The following CPEB3 variants were observed in gnomAD, a reference collection of about 807,000 sequenced individuals.
CPEB3 encodes cytoplasmic polyadenylation element-binding protein 3.
CPEB3 carries 20 observed loss-of-function variants against 67.2 expected under a neutral mutation model. The observed-to-expected ratio is 0.30, with a 90% CI of 0.21 to 0.43. The LOEUF (loss-of-function observed/expected upper bound fraction) is 0.43, where lower values mean the gene tolerates loss of function less well. CPEB3 is among the 20% of genes least tolerant of loss of function. The pLI is 1.00. For synonymous variants in CPEB3, 376 were observed against 393.1 expected (o/e 0.96, Z 0.51); for missense variants, 746 against 968.6 (o/e 0.77, Z 3.05).
At chr10:92,123,801 G>GT (rs1845498176) in intron 6 of CPEB3, among the ~76,000 whole-genome samples, 1 of 152,214 alleles carries the variant, frequency 6.6e-6, no homozygotes, top group South Asian at 2.1e-4. Context: ...TTTCAAATGA[G>GT]TTTTTTTCTG....
chr10:92,139,006 G>A lies in CPEB3; in HGVS notation c.1453+4023C>T, dbSNP rs559471283. 3.3e-4 allele frequency among the ~76,000 whole-genome samples: 51 copies of A among 152,264 alleles called. No homozygotes were observed. The South Asian group carries it at 7.7e-3, about 23-fold the overall frequency. ...GAATATGTGGTATGTGACCAGGCACGGTGGCTCACGCCTGTAATTCCAGCA... is the reference window on the plus strand; with the variant it reads ...GAATATGTGGTATGTGACCAGGCACAGTGGCTCACGCCTGTAATTCCAGCA... On this transcript the variant is annotated intron_variant, in intron 6 of 9. Transcript: ENST00000265997.
At chr10:92,285,182 T>C (rs1365206420) in intron 1 of CPEB3, among the ~76,000 whole-genome samples, 1 of 152,350 alleles carries the variant, frequency 6.6e-6, no homozygotes, top group East Asian at 1.9e-4. Flanking sequence ...TATTAATCCA[T>C]TCATGAGGGC....
At chr10:92,169,851 C>T (rs1847922987) in intron 4 of CPEB3, among the ~76,000 whole-genome samples, 1 of 152,166 alleles carries the variant, frequency 6.6e-6, no homozygotes, top group Non-Finnish European at 1.5e-5. Flanking sequence ...TTCCATATTC[C>T]ATATCAGACT....
intron 3 of CPEB3, 128 bp from the exon 4 acceptor site, chr10:92,181,147 A>T (rs950192888): frequency 1.9e-6 from 1 of 525,390 alleles, no homozygotes; most frequent in African/African-American, 2.0e-5. Flanking sequence ...AGGCCAAAGC[A>T]GTTACAACAG....
chr10:92,223,749 ATT>A (rs377483708), intron 2 of CPEB3, among the ~76,000 whole-genome samples: 23 of 111,400 alleles, frequency 2.1e-4, no homozygotes, highest in African/African-American at 2.3e-4. Context: ...AATTTTTGTA[ATT>A]TTTTTTTTTT....
chr10:92,215,758 TC>T lies in CPEB3; in HGVS notation c.1006-23123del, dbSNP rs1276221187. Among the ~76,000 whole-genome samples the T allele has an allele frequency of 1.7e-3, 235 of 141,540 alleles. 3 individuals are homozygous for T. The highest frequency in any genetic ancestry group is 6.0e-3 in the African/African-American group (218 of 36,364). The allele number at this position is 141,540 out of a possible 152,430, so 92.9% of individuals were successfully genotyped here. A position where few individuals can be genotyped will look rare whatever the true frequency, so the allele number is the denominator to read the frequency against. On this transcript the variant is annotated intron_variant, in intron 2 of 9. Transcript: ENST00000265997. Reference sequence around the variant, plus strand: ...GCCTGGCTTTTTTTTTTTTTTTTTTTCTTTTTTTTGAGAACAAGTCTCACTC... The same window carrying T: ...GCCTGGCTTTTTTTTTTTTTTTTTTTTTTTTTTTGAGAACAAGTCTCACTC...
At chr10:92,053,977 T>C (rs1842018713) in intron 9 of CPEB3, among the ~76,000 whole-genome samples, 1 of 152,190 alleles carries the variant, frequency 6.6e-6, no homozygotes, top group South Asian at 2.1e-4. Context: ...TAAGCCACCA[T>C]GCCTGGTCGA....
At chr10:92,289,732 A>AAAAAAAAAAAAAAATAAAT in intron 1 of CPEB3, among the ~76,000 whole-genome samples, 1 of 75,772 alleles carries the variant, frequency 1.3e-5, no homozygotes, top group Non-Finnish European at 2.6e-5. Context: ...AAAAAAAAAA[A>AAAAAAAAAAAAAAATAAAT]ATATATATAT....
chr10:92,261,632 A>G (rs1852805265), intron 1 of CPEB3, among the ~76,000 whole-genome samples: 3 of 152,106 alleles, frequency 2.0e-5, no homozygotes, highest in African/African-American at 7.2e-5. Flanking sequence ...TATTTTTAGT[A>G]GAGGCAAGGT....
intron 1 of CPEB3, among the ~76,000 whole-genome samples, chr10:92,279,621 T>G (rs1429733162): frequency 6.6e-6 from 1 of 151,906 alleles, no homozygotes; most frequent in African/African-American, 2.4e-5. Context: ...TCAACAGAGG[T>G]TTGGGATAAT....
rs1386938379 is a variant in CPEB3 at position 92,095,598 on chromosome 10, A to ATTT, written c.1573-3655_1573-3654insAAA. On this transcript the variant is annotated intron_variant, in intron 7 of 9. Coordinates refer to ENST00000265997, the MANE Select transcript of CPEB3 (RefSeq NM_014912.5). Reference sequence around the variant, plus strand: ...GGTCCTGATTTATATATATATATATATATTTTTTTTTTTTCATTGTGTATA... The same window carrying ATTT: ...GGTCCTGATTTATATATATATATATATTTTATTTTTTTTTTTTCATTGTGTATA... Among the ~76,000 whole-genome samples the ATTT allele has an allele frequency of 1.5e-3, 131 of 85,250 alleles. No homozygotes were observed. In the East Asian group the frequency reaches 0.02, roughly 13 times the overall value. The allele number at this position is 85,250 out of a possible 152,430, so 55.9% of individuals were successfully genotyped here.
intron 1 of CPEB3, among the ~76,000 whole-genome samples, chr10:92,281,171 T>G (rs959768824): frequency 6.6e-6 from 1 of 151,612 alleles, no homozygotes; most frequent in Non-Finnish European, 1.5e-5. Context: ...AAGACATTTC[T>G]TCAAATAATT....
intron 8 of CPEB3, among the ~76,000 whole-genome samples, chr10:92,089,333 A>G (rs1001157700): frequency 6.6e-6 from 1 of 152,196 alleles, no homozygotes; most frequent in African/African-American, 2.4e-5. Flanking sequence ...ATTCTAAGAC[A>G]ATAATATAGA....
chr10:92,167,198 C>T (rs1253424677), intron 4 of CPEB3, among the ~76,000 whole-genome samples: 1 of 152,186 alleles, frequency 6.6e-6, no homozygotes, highest in Non-Finnish European at 1.5e-5. Flanking sequence ...ACTTTCTCCA[C>T]AGCAACAATA....
intron 3 of CPEB3, among the ~76,000 whole-genome samples, chr10:92,183,009 G>A (rs1207396612): frequency 2.0e-5 from 3 of 151,944 alleles, no homozygotes; most frequent in East Asian, 3.9e-4. Context: ...GCATTATAGA[G>A]CTTTCAATGA....
At chr10:92,248,320 GC>G (rs1401972075) in intron 1 of CPEB3, among the ~76,000 whole-genome samples, 1 of 152,172 alleles carries the variant, frequency 6.6e-6, no homozygotes, top group Non-Finnish European at 1.5e-5. Flanking sequence ...CAGTACAAAT[GC>G]AAGCATTCAC....
chr10:92,107,329 T>C (rs768852538), intron 7 of CPEB3, among the ~76,000 whole-genome samples: 5 of 152,202 alleles, frequency 3.3e-5, no homozygotes, highest in Admixed American at 1.3e-4. Context: ...TTTCAGGATA[T>C]AGAGAAATTG....
At chr10:92,125,849 A>C (rs1024687649) in intron 6 of CPEB3, among the ~76,000 whole-genome samples, 2 of 151,914 alleles carry the variant, frequency 1.3e-5, no homozygotes, top group African/African-American at 4.8e-5. Context: ...GCAGCCTCCC[A>C]AGTAGCTGGG....
rs140769028 is a variant in CPEB3 at position 92,195,690 on chromosome 10, C to T, written c.1006-3054G>A. On this transcript the variant is annotated intron_variant, in intron 2 of 9. Transcript: ENST00000265997. Reference sequence around the variant, plus strand: ...ACATGGTAAGGGAACTATAAGAAAACGCTATTTGAAGGCATTCAAGAATCT... The same window carrying T: ...ACATGGTAAGGGAACTATAAGAAAATGCTATTTGAAGGCATTCAAGAATCT... Among the ~76,000 whole-genome samples the T allele has an allele frequency of 1.9e-3, 287 of 152,188 alleles. 1 individual carries two copies. The highest frequency in any genetic ancestry group is 6.5e-3 in the African/African-American group (269 of 41,526).
Sources: gnomAD v4.1 joint callset for allele counts (sites outside exome capture counted in the v4.1 genomes callset) on GRCh38, gnomAD v4.1.1 for gene constraint, MANE v1.5 for transcripts, NCBI Gene and HGNC (gene_info 2026-07-23, HGNC 2026-07-21) for gene names.